The following MTMR6 variants were observed in gnomAD, a reference collection of about 807,000 sequenced individuals.
MTMR6 encodes phosphatidylinositol-3,5-bisphosphate 3-phosphatase MTMR6.
Under a neutral mutation model 80.1 loss-of-function variants are expected in MTMR6, and 47 were observed. That is an observed-to-expected ratio of 0.59 (90% CI 0.46 to 0.75). MTMR6 has a LOEUF of 0.75. Ranked by LOEUF, MTMR6 falls within the 30% of genes least tolerant of loss-of-function variation. MTMR6 has a pLI of 0.00. For synonymous variants in MTMR6, 254 were observed against 253.0 expected (o/e 1.00, Z -0.04); for missense variants, 629 against 730.9 (o/e 0.86, Z 1.61).
intron 6 of MTMR6, among the ~76,000 whole-genome samples, chr13:25,260,914 TTAAC>T (rs1459771957): frequency 9.2e-5 from 14 of 152,152 alleles, no homozygotes; most frequent in Admixed American, 9.2e-4. Context: ...GTTTCCTAAG[TTAAC>T]TGTTTTCCTT....
chr13:25,251,555 G>T lies in MTMR6; in HGVS notation c.1605+94C>A, dbSNP rs994423503. On this transcript the variant is annotated intron_variant, in intron 13 of 13. Coordinates refer to ENST00000381801, the MANE Select transcript of MTMR6 (RefSeq NM_004685.5). This position sits in a 1 kb window ranked among gnomAD's most constrained non-coding sequence, Gnocchi z 4.1. ...TTTGAAGAAACTGCTTACTTCAGAAGTTTATGTGCTGATTTACACCAACAA... is the reference window on the plus strand; with the variant it reads ...TTTGAAGAAACTGCTTACTTCAGAATTTTATGTGCTGATTTACACCAACAA... 32 of 1,154,524 alleles carry T rather than the reference G, an allele frequency of 2.8e-5. No individual in the cohort carries two copies. The highest frequency in any genetic ancestry group is 3.2e-5 in the Non-Finnish European group (26 of 824,542). 71.5% of individuals were successfully genotyped at this position (1,154,524 alleles called of 1,614,324 possible). A position where few individuals can be genotyped will look rare whatever the true frequency, so the allele number is the denominator to read the frequency against.
rs764224853 is a variant in MTMR6, at chr13:25,267,784, T to A, written c.299A>T (p.Lys100Ile). Residue 100 changes from lysine (K) to isoleucine (I), a missense_variant, in exon 3 of 14, where the codon AAA becomes ATA. Transcript: ENST00000381801. ...TTGGTCTCTAAGAACAATACCTTGT[T>A]TTGACAGTTGTAGCAAAGAGTTGTA... ...DIYNSLLQLS[K>I]QAKYEDLYAF... 4 of 1,612,904 alleles carry A rather than the reference T, an allele frequency of 2.5e-6. No individual in the cohort carries two copies. The highest frequency in any genetic ancestry group is 1.1e-5 in the South Asian group (1 of 90,680).
Position 25,249,427 on chromosome 13 carries a change from AAC to A in MTMR6, c.1669_1670del (p.Val557SerfsTer3). On this transcript the variant is annotated frameshift_variant, in exon 14 of 14. Transcript: ENST00000381801. LOFTEE classifies it high-confidence loss of function. ...TTTTGAGGTTAGGTGATTCAGGATG[AAC>A]TGAATGTAACAATTCCTTGGTGAGG... Reference protein sequence around the residue: ...GILTKELLHSVHPESPNLKTS... With the variant: ...GILTKELLHSXHPESPNLKTS... 6.2e-7 allele frequency: 1 copy of A among 1,613,812 alleles called. No individual in the cohort carries two copies.
chr13:25,258,904 T>C (rs1020563287), intron 6 of MTMR6, among the ~76,000 whole-genome samples: 3 of 152,204 alleles, frequency 2.0e-5, no homozygotes, highest in African/African-American at 7.2e-5. Flanking sequence ...GATTGCTATA[T>C]AATGGAAAGG....
At chr13:25,258,286 G>A (rs1055437417) in intron 7 of MTMR6, among the ~76,000 whole-genome samples, 1 of 151,954 alleles carries the variant, frequency 6.6e-6, no homozygotes, top group African/African-American at 2.4e-5. Flanking sequence ...TTTGAAATAT[G>A]GCTTGTCCAA....
At chr13:25,258,404 T>C (rs1350809521) in intron 7 of MTMR6, among the ~76,000 whole-genome samples, 156 bp downstream of exon 7, 2 of 152,140 alleles carry the variant, frequency 1.3e-5, no homozygotes, top group Non-Finnish European at 2.9e-5. Flanking sequence ...GTTAAAATAA[T>C]GTTTATAATA....
intron 13 of MTMR6, among the ~76,000 whole-genome samples, chr13:25,250,482 C>T (rs1291992071): frequency 2.6e-5 from 4 of 152,024 alleles, no homozygotes; most frequent in African/African-American, 9.7e-5. Flanking sequence ...AAGAAAAAGG[C>T]AAATATGCCA....
intron 2 of MTMR6, among the ~76,000 whole-genome samples, chr13:25,269,242 C>T (rs1644470989): frequency 6.6e-6 from 1 of 152,136 alleles, no homozygotes; most frequent in Non-Finnish European, 1.5e-5. Context: ...AAAAAGCTTG[C>T]AAATGTTATA....
chr13:25,270,989 A>T (rs1957562028), intron 2 of MTMR6, among the ~76,000 whole-genome samples: 1 of 152,068 alleles, frequency 6.6e-6, no homozygotes, highest in South Asian at 2.1e-4. Flanking sequence ...ATTTTCTTTC[A>T]TCTAAGACTC....
chr13:25,261,859 G>A (rs1957350063), intron 5 of MTMR6, 57 bp from the exon 6 acceptor site: 2 of 1,487,942 alleles, frequency 1.3e-6, no homozygotes, highest in Non-Finnish European at 1.8e-6. Context: ...TGTCTTTAAA[G>A]ATGCTTACAA....
rs1217586278 is a variant in MTMR6, at chr13:25,247,341, C to T, written c.*1891G>A. Reference sequence around the variant, plus strand: ...TTTACATGCTATACACTTCCAAACACACTGAACATAAATTCAACTTTATAA... The same window carrying T: ...TTTACATGCTATACACTTCCAAACATACTGAACATAAATTCAACTTTATAA... On this transcript the variant is annotated 3_prime_UTR_variant, in exon 14 of 14. Transcript: ENST00000381801. The T allele has an allele frequency of 6.6e-6, 1 of 152,584 alleles. No homozygotes were observed. Among genetic ancestry groups the T allele is most frequent in the African/African-American group, 2.4e-5 (1 of 41,442 alleles). 9.5% of individuals were successfully genotyped at this position (152,584 alleles called of 1,614,324 possible).
Position 25,267,778 on chromosome 13 carries a change from C to T in MTMR6, c.304+1G>A, listed in dbSNP as rs1957490228. ...TAAGCTTTGGTCTCTAAGAACAATA[C>T]CTTGTTTTGACAGTTGTAGCAAAGA... On this transcript the variant is annotated splice_donor_variant, in intron 3 of 13. Coordinates refer to ENST00000381801, the MANE Select transcript of MTMR6 (RefSeq NM_004685.5). LOFTEE classifies it high-confidence loss of function. 1.9e-6 allele frequency: 3 copies of T among 1,611,838 alleles called. No individual in the cohort carries two copies. Among genetic ancestry groups the T allele is most frequent in the Non-Finnish European group, 2.5e-6 (3 of 1,178,740 alleles).
intron 9 of MTMR6, among the ~76,000 whole-genome samples, chr13:25,256,790 C>G (rs1170182357): frequency 1.3e-5 from 2 of 152,018 alleles, no homozygotes; most frequent in Non-Finnish European, 2.9e-5. Context: ...ATTTTAAGTA[C>G]TCTTATTTGT....
At position 25,248,208 on chromosome 13, in the gene MTMR6, AT is replaced by A. The variant is rs1957020103; in HGVS notation, c.*1023del. 1 of 151,994 alleles carries A rather than the reference AT, an allele frequency of 6.6e-6. No homozygotes were observed. Among genetic ancestry groups the A allele is most frequent in the Admixed American group, 6.6e-5 (1 of 15,262 alleles). 9.4% of individuals were successfully genotyped at this position (151,994 alleles called of 1,614,324 possible). On this transcript the variant is annotated 3_prime_UTR_variant, in exon 14 of 14. Coordinates refer to ENST00000381801, the MANE Select transcript of MTMR6 (RefSeq NM_004685.5). ...TAAACTATCTGTACTTCCCTTTTTT[AT>A]TTACCCAAAAGTTTTTGAGTAAACT...
rs756057918 is a variant in MTMR6, at chr13:25,257,340, T to C, written c.970-19A>G. 3.1e-6 allele frequency: 5 copies of C among 1,613,080 alleles called. No homozygotes were observed. Among genetic ancestry groups the C allele is most frequent in the Non-Finnish European group, 4.2e-6 (5 of 1,179,402 alleles). ...TTATTGCCTGAAAAGAAAGATCACA[T>C]ACATTCTAGCGTACTTTAAGGTAAA... On this transcript the variant is annotated intron_variant, in intron 8 of 13. Transcript: ENST00000381801.
At chr13:25,274,975 C>CACACACACAT (rs1555250673) in intron 1 of MTMR6, among the ~76,000 whole-genome samples, 18 of 143,882 alleles carry the variant, frequency 1.3e-4, no homozygotes, top group African/African-American at 5.0e-4. Context: ...CACACACACA[C>CACACACACAT]ACACACACAC....
rs1430653449 is a variant in MTMR6 at position 25,258,639 on chromosome 13, G to C, written c.780C>G (p.Asn260Lys). 6.3e-7 allele frequency: 1 copy of C among 1,597,238 alleles called. No individual in the cohort carries two copies. The highest frequency in any genetic ancestry group is 8.5e-7 in the Non-Finnish European group (1 of 1,175,356). ...CAAACTGAAATCTAATATTGGAATA[G>C]TTGTCTTCATTTTCATAACCTTTTC... ...AAGKGYENED[N>K]YSNIRFQFVG... The change falls in exon 7 of 14, where the codon AAC becomes AAG. Residue 260 changes from asparagine (N) to lysine (K), a missense_variant. Coordinates refer to ENST00000381801, the MANE Select transcript of MTMR6 (RefSeq NM_004685.5).
rs1593140999 is a variant in MTMR6 at position 25,251,990 on chromosome 13, T to C, written c.1347-6A>G. ...AATAAGTCTTCTCCTTCAACCTTAA[T>C]ATAATGAGAAAAACACAGAGATCTT... On this transcript the variant is annotated splice_region_variant and splice_polypyrimidine_tract_variant and intron_variant, in intron 11 of 13. Transcript: ENST00000381801. This position sits in a 1 kb window ranked among gnomAD's most constrained non-coding sequence, Gnocchi z 4.1. The C allele has an allele frequency of 1.2e-6, 2 of 1,606,584 alleles. No homozygotes were observed. The highest frequency in any genetic ancestry group is 2.2e-5 in the East Asian group (1 of 44,764).
intron 1 of MTMR6, among the ~76,000 whole-genome samples, chr13:25,275,134 A>G (rs1204434321): frequency 2.6e-5 from 4 of 152,174 alleles, no homozygotes; most frequent in Non-Finnish European, 5.9e-5. Flanking sequence ...AACCTAAAAA[A>G]TGTTAATTTG....
Sources: gnomAD v4.1 joint callset for allele counts (sites outside exome capture counted in the v4.1 genomes callset) on GRCh38, gnomAD v4.1.1 for gene constraint, Gnocchi (gnomAD v3.1) non-coding constraint, MANE v1.5 for transcripts, NCBI Gene and HGNC (gene_info 2026-07-23, HGNC 2026-07-21) for gene names.